Variants in KLHL29 observed in about 807,000 individuals in gnomAD.
KLHL29 encodes kelch-like protein 29.
Under a neutral mutation model 80.4 loss-of-function variants are expected in KLHL29, and 21 were observed. The observed-to-expected ratio is 0.26, with a 90% CI of 0.19 to 0.38. KLHL29 has a LOEUF of 0.38. KLHL29 is among the 10% of genes least tolerant of loss of function. The pLI, the probability that KLHL29 is intolerant of heterozygous loss-of-function variation, is 1.00. For missense variants in KLHL29, 867 were observed against 1,223.9 expected (o/e 0.71, Z 4.35); for synonymous variants, 511 against 526.8 (o/e 0.97, Z 0.41).
chr2:23,485,225 C>A lies in KLHL29; in HGVS notation c.-46+9558C>A, dbSNP rs549114349. 1.2e-4 allele frequency among the ~76,000 whole-genome samples: 19 copies of A among 152,338 alleles called. No individual in the cohort carries two copies. The South Asian group carries it at 3.1e-3, about 25-fold the overall frequency. On this transcript the variant is annotated intron_variant, in intron 2 of 13. Coordinates refer to ENST00000486442, the MANE Select transcript of KLHL29 (RefSeq NM_052920.2). ...CCCCTCAGCCCCACGTCCTCAGATC[C>A]CAGAACTCTCTCAGGAGACTACCGG...
intron 3 of KLHL29, among the ~76,000 whole-genome samples, chr2:23,598,086 C>T (rs1171667093): frequency 6.6e-6 from 1 of 152,172 alleles, no homozygotes; most frequent in Non-Finnish European, 1.5e-5. Flanking sequence ...GAAACGGTGT[C>T]CTGGGTACAA....
chr2:23,429,912 C>T (rs1663123085), intron 1 of KLHL29, among the ~76,000 whole-genome samples: 1 of 151,760 alleles, frequency 6.6e-6, no homozygotes. Flanking sequence ...TTTTTTAATA[C>T]TTGGCACTGT....
chr2:23,605,138 G>C (rs1482594517), intron 3 of KLHL29, among the ~76,000 whole-genome samples: 1 of 128,162 alleles, frequency 7.8e-6, no homozygotes, highest in Non-Finnish European at 1.6e-5. Flanking sequence ...TTGGAGACAG[G>C]GTTCACCCTG....
chr2:23,658,995 C>T (rs369676701), intron 5 of KLHL29, among the ~76,000 whole-genome samples: 1 of 152,214 alleles, frequency 6.6e-6, no homozygotes. Flanking sequence ...ACTCACTCTC[C>T]CCACCACCCA....
intron 3 of KLHL29, among the ~76,000 whole-genome samples, chr2:23,638,424 CAT>C: frequency 6.6e-6 from 1 of 151,536 alleles, no homozygotes; most frequent in African/African-American, 2.4e-5. Context: ...TTTTTTCCTT[CAT>C]CTACAAATCT....
chr2:23,657,141 C>G (rs1670269173), intron 5 of KLHL29, among the ~76,000 whole-genome samples: 1 of 152,118 alleles, frequency 6.6e-6, no homozygotes, highest in South Asian at 2.1e-4. Flanking sequence ...TTGTCTCTGA[C>G]AAGGCACCCC....
intron 3 of KLHL29, among the ~76,000 whole-genome samples, chr2:23,611,207 C>T (rs1389229950): frequency 6.6e-6 from 1 of 152,198 alleles, no homozygotes; most frequent in African/African-American, 2.4e-5. Context: ...GTCTGGGAAG[C>T]ACAGAGGCCC....
intron 3 of KLHL29, among the ~76,000 whole-genome samples, chr2:23,584,560 C>G (rs1421386019): frequency 6.6e-6 from 1 of 152,200 alleles, no homozygotes; most frequent in Non-Finnish European, 1.5e-5. Flanking sequence ...CATCACGTCC[C>G]TCCAAGCCTT....
At chr2:23,568,367 G>T (rs1363934250) in intron 3 of KLHL29, among the ~76,000 whole-genome samples, 1 of 152,154 alleles carries the variant, frequency 6.6e-6, no homozygotes, top group Non-Finnish European at 1.5e-5. Flanking sequence ...GTCTGGGCTG[G>T]CTCAGCTGAT....
chr2:23,633,756 C>CT (rs35002083), intron 3 of KLHL29, among the ~76,000 whole-genome samples: 39,545 of 147,018 alleles, frequency 0.27, 6,776 homozygotes, highest in East Asian at 0.6. Flanking sequence ...TCACAGCACT[C>CT]GTGTGTGTGT....
At chr2:23,544,554 G>T (rs945072132) in intron 2 of KLHL29, among the ~76,000 whole-genome samples, 63 of 152,204 alleles carry the variant, frequency 4.1e-4, no homozygotes, top group African/African-American at 1.4e-3. Context: ...CCAGAGAGGG[G>T]ACACACAGAA....
chr2:23,663,781 T>G (rs1305569015), intron 5 of KLHL29, among the ~76,000 whole-genome samples: 2 of 152,240 alleles, frequency 1.3e-5, no homozygotes, highest in Non-Finnish European at 2.9e-5. Flanking sequence ...ATTAAATGCT[T>G]AGACTTAAAT....
chr2:23,642,080 T>TCTCTCTGCTCTGCTGCCTC (rs1475484919), intron 4 of KLHL29, among the ~76,000 whole-genome samples: 1 of 152,132 alleles, frequency 6.6e-6, no homozygotes, highest in East Asian at 1.9e-4. Context: ...TCTGCTTCCT[T>TCTCTCTGCTCTGCTGCCTC]CTCTCTGCTC....
intron 1 of KLHL29, among the ~76,000 whole-genome samples, chr2:23,442,219 T>C (rs1421295860): frequency 6.6e-6 from 1 of 152,134 alleles, no homozygotes; most frequent in South Asian, 2.1e-4. Flanking sequence ...GCCTTCCAAG[T>C]AGCTGAGACC....
intron 11 of KLHL29, among the ~76,000 whole-genome samples, chr2:23,699,252 A>C (rs115973234): frequency 1.0e-3 from 157 of 152,276 alleles, no homozygotes; most frequent in African/African-American, 3.6e-3. Context: ...TCACAGAAAG[A>C]AAGCAGGCCC....
intron 3 of KLHL29, among the ~76,000 whole-genome samples, chr2:23,593,053 G>C (rs1403774785): frequency 6.6e-6 from 1 of 152,192 alleles, no homozygotes; most frequent in East Asian, 1.9e-4. Context: ...AGCAGGAGCG[G>C]GTGGGGATAT....
chr2:23,608,058 G>C (rs905287710), intron 3 of KLHL29, among the ~76,000 whole-genome samples: 1 of 152,114 alleles, frequency 6.6e-6, no homozygotes, highest in African/African-American at 2.4e-5. Context: ...GAGGGCGGGA[G>C]GGTGATTCTC....
chr2:23,552,761 C>CTTTTTTTTTTTTTTTTTTTTT lies in KLHL29; in HGVS notation c.-45-9374_-45-9373insTTTTTTTTTTTTTTTTTTTTT, dbSNP rs60558023. On this transcript the variant is annotated intron_variant, in intron 2 of 13. Transcript: ENST00000486442. Reference sequence around the variant, plus strand: ...CACGGCTATAGCTCTGGTTTCTTTTCTTTTTTTTTTTTTTTTTGAGATGGC... The same window carrying CTTTTTTTTTTTTTTTTTTTTT: ...CACGGCTATAGCTCTGGTTTCTTTTCTTTTTTTTTTTTTTTTTTTTTTTTTTTTTTTTTTTTTTGAGATGGC... Among the ~76,000 whole-genome samples, 142 of 95,516 alleles carry CTTTTTTTTTTTTTTTTTTTTT rather than the reference C, an allele frequency of 1.5e-3. 24 individuals are homozygous for CTTTTTTTTTTTTTTTTTTTTT. Among genetic ancestry groups the CTTTTTTTTTTTTTTTTTTTTT allele is most frequent in the African/African-American group, 4.4e-3 (94 of 21,204 alleles). 62.7% of individuals were successfully genotyped at this position (95,516 alleles called of 152,430 possible).
chr2:23,573,092 G>A (rs1009189815), intron 3 of KLHL29, among the ~76,000 whole-genome samples: 6 of 152,216 alleles, frequency 3.9e-5, no homozygotes, highest in Admixed American at 1.3e-4. Flanking sequence ...CCTGAGCCCG[G>A]ATGATGAAGC....
Sources: allele counts gnomAD v4.1 joint callset (sites outside exome capture counted in the v4.1 genomes callset), GRCh38; gene constraint gnomAD v4.1.1; transcripts MANE v1.5; gene names NCBI Gene and HGNC (gene_info 2026-07-23, HGNC 2026-07-21).